Variants in NKIRAS1 observed in about 807,000 individuals in gnomAD.
NKIRAS1 encodes NF-kappa-B inhibitor-interacting Ras-like protein 1.
A neutral mutation model predicts 19.8 loss-of-function variants in NKIRAS1; 16 were observed. The ratio of observed to expected loss-of-function variants is 0.81; its 90% CI spans 0.55 to 1.23. The LOEUF (loss-of-function observed/expected upper bound fraction) is 1.23, where lower values mean the gene tolerates loss of function less well. Among genes scored for constraint, NKIRAS1 ranks in the 50% most tolerant of loss-of-function variants. The pLI, the probability that NKIRAS1 is intolerant of heterozygous loss-of-function variation, is 0.00. For missense variants in NKIRAS1, 184 were observed against 220.0 expected (o/e 0.84, Z 1.04); for synonymous variants, 88 against 79.0 (o/e 1.11, Z -0.61).
intron 3 of NKIRAS1, among the ~76,000 whole-genome samples, chr3:23,909,868 T>TTTTTTTTTTTG (rs1703495287): frequency 6.7e-6 from 1 of 149,908 alleles, no homozygotes; most frequent in Non-Finnish European, 1.5e-5. Context: ...TTTTTTGTTT[T>TTTTTTTTTTTG]TTTTTTTTTG....
chr3:23,893,140 A>C lies in NKIRAS1; in HGVS notation c.534T>G (p.Pro178=). The change falls in exon 5 of 5, where the codon CCT becomes CCG. Residue 178 remains proline (P), a synonymous_variant. Coordinates refer to ENST00000425478, the MANE Select transcript of NKIRAS1 (RefSeq NM_020345.4). The stretch of plus-strand genomic sequence containing the variant: ...TCCCTTTGTTTTTCCTCCCAGGCAA[A>C]GGAAAGCTTGATTTGCTCTGGGGTT... ...LSQPQSKSSF[P]LPGRKNKGNS... 1 of 1,589,574 alleles carries C rather than the reference A, an allele frequency of 6.3e-7. No homozygotes were observed. The highest frequency in any genetic ancestry group is 1.2e-5 in the South Asian group (1 of 86,658).
intron 1 of NKIRAS1, among the ~76,000 whole-genome samples, chr3:23,938,947 C>T (rs1310364700): frequency 6.6e-6 from 1 of 152,158 alleles, no homozygotes; most frequent in Non-Finnish European, 1.5e-5. Flanking sequence ...GAGGGAAGTG[C>T]CCAGCTAGCT....
intron 1 of NKIRAS1, among the ~76,000 whole-genome samples, chr3:23,940,187 A>T (rs976942856): frequency 6.6e-6 from 1 of 151,074 alleles, no homozygotes; most frequent in South Asian, 2.1e-4. Flanking sequence ...AAAAAAAAAA[A>T]AAAAGAGAAA....
At chr3:23,920,422 C>A, upstream of NKIRAS1, 1 of 985,400 alleles carries the variant, frequency 1.0e-6, no homozygotes, top group Non-Finnish European at 1.2e-6. Flanking sequence ...TTCTCTTGTT[C>A]TGGCCAAACA....
chr3:23,904,749 ATAAAGT>A (rs1052639620), intron 3 of NKIRAS1, among the ~76,000 whole-genome samples: 3 of 152,220 alleles, frequency 2.0e-5, no homozygotes, highest in Admixed American at 6.5e-5. Flanking sequence ...ATAGAAGCTG[ATAAAGT>A]TAAAGAGACA....
intron 1 of NKIRAS1, chr3:23,945,497 G>A: frequency 2.3e-6 from 2 of 883,198 alleles, no homozygotes; most frequent in Non-Finnish European, 1.4e-6. Flanking sequence ...CCAGCCCGGG[G>A]CGGCGCGGCG....
At chr3:23,914,425 G>A (rs993864003) in intron 1 of NKIRAS1, among the ~76,000 whole-genome samples, 1 of 152,128 alleles carries the variant, frequency 6.6e-6, no homozygotes, top group Non-Finnish European at 1.5e-5. Context: ...GTCATGTGGG[G>A]AAACCACCTA....
chr3:23,930,192 G>C (rs556307615), intron 1 of NKIRAS1, among the ~76,000 whole-genome samples: 10 of 152,300 alleles, frequency 6.6e-5, no homozygotes, highest in Admixed American at 3.9e-4. Flanking sequence ...TTCATCCTGG[G>C]GGGTATTTGC....
chr3:23,920,644 C>A (rs117552532), upstream of NKIRAS1: 4 of 984,720 alleles, frequency 4.1e-6, no homozygotes, highest in South Asian at 1.9e-4. Context: ...TTTAAATGCT[C>A]GTTCTGAACC....
At position 23,926,706 on chromosome 3, in the gene NKIRAS1, A is replaced by G. The variant is rs1705220961; in HGVS notation, c.-139-15256T>C. 2.0e-5 allele frequency among the ~76,000 whole-genome samples: 3 copies of G among 152,320 alleles called. No individual in the cohort carries two copies. Among genetic ancestry groups the G allele is most frequent in the Middle Eastern group, 6.8e-3 (2 of 294 alleles). On this transcript the variant is annotated intron_variant, in intron 1 of 4. Coordinates refer to the NKIRAS1 transcript ENST00000421515. The surrounding 1 kb of genome is among the most constrained non-coding windows in gnomAD (Gnocchi z 4.3). ...AGTTTTTGATAAGAGTTTTATCCCA[A>G]TGGTACAAACTGTAGAAGAATGAAC...
At chr3:23,905,237 CAT>C (rs373305664) in intron 3 of NKIRAS1, among the ~76,000 whole-genome samples, 8 of 152,112 alleles carry the variant, frequency 5.3e-5, no homozygotes, top group Non-Finnish European at 1.0e-4. Context: ...TAGTGACACA[CAT>C]ATGTGGCAAT....
upstream of NKIRAS1, chr3:23,920,339 C>T: frequency 2.0e-6 from 2 of 985,598 alleles, no homozygotes; most frequent in Non-Finnish European, 2.4e-6. Flanking sequence ...GTTACCCACT[C>T]TGTCCACTCC....
At chr3:23,934,279 C>A (rs918421333) in intron 1 of NKIRAS1, among the ~76,000 whole-genome samples, 2 of 152,160 alleles carry the variant, frequency 1.3e-5, no homozygotes, top group Non-Finnish European at 2.9e-5. Flanking sequence ...CCTTTCCTCA[C>A]CCCCAAACAA....
At chr3:23,924,134 C>T (rs140552035) in intron 1 of NKIRAS1, 12 of 152,310 alleles carry the variant, frequency 7.9e-5, no homozygotes, top group South Asian at 2.1e-4. Context: ...GCTGCTCAAC[C>T]GCATCAGACA....
chr3:23,931,874 C>A (rs1183420809), intron 1 of NKIRAS1, among the ~76,000 whole-genome samples: 1 of 152,176 alleles, frequency 6.6e-6, no homozygotes, highest in African/African-American at 2.4e-5. Flanking sequence ...CAAAGGCTGT[C>A]CCCTTTCTAT....
In NKIRAS1 at chr3:23,937,530, T is replaced by C. The variant is rs185815912; in HGVS notation, c.-140+8793A>G. ...TTGTTCCTTTAGATAGCATGCCCTG[T>C]TGTTAGGGCAAGTTTTGTGTTTGAT... is the stretch of plus-strand genomic sequence containing the variant. On this transcript the variant is annotated intron_variant, in intron 1 of 4. Coordinates refer to the NKIRAS1 transcript ENST00000421515. 3.4e-4 allele frequency among the ~76,000 whole-genome samples: 51 copies of C among 151,754 alleles called. No individual in the cohort carries two copies. The East Asian group carries it at 3.7e-3, about 11-fold the overall frequency.
intron 1 of NKIRAS1, chr3:23,946,041 G>T: frequency 2.1e-6 from 2 of 941,176 alleles, no homozygotes; most frequent in South Asian, 4.9e-5. Flanking sequence ...GCGCGCGCGC[G>T]CGCGCTGGCT....
intron 4 of NKIRAS1, among the ~76,000 whole-genome samples, chr3:23,900,485 A>C (rs568941942): frequency 1.6e-4 from 24 of 151,822 alleles, no homozygotes; most frequent in Non-Finnish European, 3.4e-4. Flanking sequence ...AAATATAAAA[A>C]TTAGCCGGGC....
chr3:23,925,124 A>C (rs937143076), intron 1 of NKIRAS1, among the ~76,000 whole-genome samples: 1 of 152,320 alleles, frequency 6.6e-6, no homozygotes, highest in Non-Finnish European at 1.5e-5. Context: ...AGTGCTTGGA[A>C]GGAGAGAGAG....
Sources: gnomAD v4.1 joint callset for allele counts (sites outside exome capture counted in the v4.1 genomes callset) on GRCh38, gnomAD v4.1.1 for gene constraint, Gnocchi (gnomAD v3.1) non-coding constraint, MANE v1.5 for transcripts, NCBI Gene and HGNC (gene_info 2026-07-23, HGNC 2026-07-21) for gene names.